PRR16: variants seen among roughly 807,000 people sequenced by gnomAD.
PRR16 encodes proline rich 16, also known as protein Largen.
Under a neutral mutation model 18.2 loss-of-function variants are expected in PRR16, and 6 were observed. That is an observed-to-expected ratio of 0.33 (90% CI 0.18 to 0.65). The LOEUF is 0.65. Ranked by LOEUF, PRR16 falls within the 30% of genes least tolerant of loss-of-function variation. PRR16 has a pLI of 0.74. For missense variants in PRR16, 412 were observed against 376.6 expected (o/e 1.09, Z -0.78); for synonymous variants, 151 against 147.8 (o/e 1.02, Z -0.16).
At chr5:120,699,559 T>C in the PRR16 span, among the ~76,000 whole-genome samples, 1 of 152,058 alleles carries the variant, frequency 6.6e-6, no homozygotes, top group Non-Finnish European at 1.5e-5. Flanking sequence ...AGAAAGTATA[T>C]GCATCAGGTA....
At chr5:120,549,852 A>G (rs1341598594) in intron 1 of PRR16, among the ~76,000 whole-genome samples, 2 of 152,056 alleles carry the variant, frequency 1.3e-5, no homozygotes, top group Non-Finnish European at 2.9e-5. Context: ...TGCAGAGTAA[A>G]AGTAGTCAAG....
intron 1 of PRR16, among the ~76,000 whole-genome samples, chr5:120,476,200 T>C (rs1017109710): frequency 2.6e-5 from 4 of 152,148 alleles, no homozygotes; most frequent in African/African-American, 7.2e-5. Flanking sequence ...GATCACCCAC[T>C]ATCTCCTGTT....
intron 1 of PRR16, among the ~76,000 whole-genome samples, chr5:120,587,934 G>C (rs762488429): frequency 1.3e-5 from 2 of 152,186 alleles, no homozygotes; most frequent in African/African-American, 2.4e-5. Flanking sequence ...ATGCCATTAA[G>C]AACGTTTGTG....
At chr5:120,653,605 G>A (rs1755866297) in intron 1 of PRR16, among the ~76,000 whole-genome samples, 1 of 151,916 alleles carries the variant, frequency 6.6e-6, no homozygotes, top group African/African-American at 2.4e-5. Flanking sequence ...CAAGAGCACT[G>A]ATTACCATTT....
intron 1 of PRR16, among the ~76,000 whole-genome samples, chr5:120,660,128 T>C (rs1483723483): frequency 1.3e-5 from 2 of 152,186 alleles, no homozygotes; most frequent in Admixed American, 1.3e-4. Context: ...AAGGACAGTA[T>C]AAGACACTCA....
the PRR16 span, among the ~76,000 whole-genome samples, chr5:120,705,985 T>C: frequency 6.6e-6 from 1 of 152,274 alleles, no homozygotes; most frequent in African/African-American, 2.4e-5. Context: ...AAATTCACAT[T>C]GTATCTTTCA....
the PRR16 span, among the ~76,000 whole-genome samples, chr5:120,756,201 C>A: frequency 1.3e-5 from 2 of 152,182 alleles, no homozygotes; most frequent in African/African-American, 2.4e-5. Context: ...AGTAGGGGAC[C>A]AATCAGAGGT....
chr5:120,502,380 T>C (rs1363829767), intron 1 of PRR16, among the ~76,000 whole-genome samples: 1 of 150,054 alleles, frequency 6.7e-6, no homozygotes, highest in Non-Finnish European at 1.5e-5. Flanking sequence ...TATATATATA[T>C]GTTAGAAATT....
the PRR16 span, among the ~76,000 whole-genome samples, chr5:120,715,372 T>A: frequency 6.6e-6 from 1 of 152,220 alleles, no homozygotes; most frequent in Non-Finnish European, 1.5e-5. Context: ...TTATAGCCCT[T>A]ACTACTCAAT....
chr5:120,561,685 C>G (rs1752579328), intron 1 of PRR16, among the ~76,000 whole-genome samples: 1 of 152,080 alleles, frequency 6.6e-6, no homozygotes, highest in Non-Finnish European at 1.5e-5. Context: ...CCATAATTCC[C>G]AGGTGTTGTA....
the PRR16 span, among the ~76,000 whole-genome samples, chr5:120,758,865 C>A: frequency 6.6e-6 from 1 of 151,454 alleles, no homozygotes; most frequent in African/African-American, 2.4e-5. Context: ...AGTTATATAA[C>A]TTTGTCATAT....
the PRR16 span, among the ~76,000 whole-genome samples, chr5:120,735,811 G>A: frequency 6.6e-6 from 1 of 152,038 alleles, no homozygotes; most frequent in East Asian, 1.9e-4. Flanking sequence ...TTGCTATGCA[G>A]AAGCTTTTAA....
chr5:120,738,002 G>A, the PRR16 span, among the ~76,000 whole-genome samples: 5 of 152,030 alleles, frequency 3.3e-5, no homozygotes, highest in African/African-American at 9.7e-5. Context: ...ACAAATTTCG[G>A]AGATCAATTC....
chr5:120,631,201 A>G (rs1034958172), intron 1 of PRR16, among the ~76,000 whole-genome samples: 1 of 152,140 alleles, frequency 6.6e-6, no homozygotes, highest in African/African-American at 2.4e-5. Flanking sequence ...AAAATTTATG[A>G]TTCTGGATTA....
chr5:120,539,448 C>A (rs1751835537), intron 1 of PRR16, among the ~76,000 whole-genome samples: 3 of 151,768 alleles, frequency 2.0e-5, no homozygotes, highest in Admixed American at 6.6e-5. Flanking sequence ...TAAATTACTA[C>A]TAAATAATTA....
chr5:120,707,082 C>A, the PRR16 span, among the ~76,000 whole-genome samples: 12 of 152,218 alleles, frequency 7.9e-5, no homozygotes, highest in African/African-American at 2.9e-4. Context: ...CTCAAAGGAG[C>A]AAGGGAAATC....
At chr5:120,538,019 G>T (rs919333631) in intron 1 of PRR16, among the ~76,000 whole-genome samples, 2 of 151,604 alleles carry the variant, frequency 1.3e-5, no homozygotes, top group Admixed American at 1.3e-4. Flanking sequence ...CTCGTGATCC[G>T]CCCGCCTCGG....
At chr5:120,745,439 G>A in the PRR16 span, among the ~76,000 whole-genome samples, 1 of 152,082 alleles carries the variant, frequency 6.6e-6, no homozygotes, top group East Asian at 1.9e-4. Context: ...TCCATCCATG[G>A]ATTTTTAGCA....
chr5:120,668,774 A>C (rs1050308466), intron 1 of PRR16, among the ~76,000 whole-genome samples: 1 of 152,140 alleles, frequency 6.6e-6, no homozygotes, highest in Non-Finnish European at 1.5e-5. Context: ...AGAATGTTGA[A>C]TATTGGCCCC....
Sources: allele counts gnomAD v4.1 joint callset (sites outside exome capture counted in the v4.1 genomes callset), GRCh38; gene constraint gnomAD v4.1.1; transcripts MANE v1.5; gene names NCBI Gene and HGNC (gene_info 2026-07-23, HGNC 2026-07-21).